PARP15: variants seen among roughly 807,000 people sequenced by gnomAD.
The protein encoded by PARP15 is protein mono-ADP-ribosyltransferase PARP15.
A neutral mutation model predicts 62.1 loss-of-function variants in PARP15; 50 were observed. That is an observed-to-expected ratio of 0.81 (90% confidence interval 0.64 to 1.02). PARP15 has a LOEUF of 1.02. Ranked by LOEUF, PARP15 falls within the 50% of genes least tolerant of loss-of-function variation. The pLI is 0.00. For synonymous variants in PARP15, 309 were observed against 293.1 expected (o/e 1.05, Z -0.55); for missense variants, 820 against 826.5 (o/e 0.99, Z 0.10).
intron 3 of PARP15, 117 bp from the exon 4 acceptor site, chr3:122,612,924 C>G: frequency 1.2e-6 from 1 of 855,408 alleles, no homozygotes; most frequent in Non-Finnish European, 1.8e-6. Flanking sequence ...ACTTCTCAGG[C>G]CCTGACTAAG....
At chr3:122,626,797 A>G (rs1410156137) in intron 8 of PARP15, 30 bp from the exon 9 acceptor site, 10 of 1,593,534 alleles carry the variant, frequency 6.3e-6, no homozygotes, top group African/African-American at 1.4e-5. Flanking sequence ...CATCGGGGGA[A>G]ACTTCTTTGT....
intron 6 of PARP15, among the ~76,000 whole-genome samples, chr3:122,618,668 C>G (rs1217985373): frequency 2.0e-5 from 3 of 152,156 alleles, no homozygotes; most frequent in Non-Finnish European, 4.4e-5. Context: ...GGTTTATTCT[C>G]TAGAGAAACA....
At chr3:122,617,674 C>T (rs902267818) in intron 6 of PARP15, among the ~76,000 whole-genome samples, 15 of 152,156 alleles carry the variant, frequency 9.9e-5, no homozygotes, top group African/African-American at 3.6e-4. Flanking sequence ...GTAACACATT[C>T]GGGCAGGCCC....
At chr3:122,616,096 T>G (rs923971520) in intron 5 of PARP15, among the ~76,000 whole-genome samples, 3 of 152,200 alleles carry the variant, frequency 2.0e-5, no homozygotes, top group Admixed American at 6.5e-5. Context: ...AAATAATAAC[T>G]AAACCGTGCC....
intron 1 of PARP15, among the ~76,000 whole-genome samples, chr3:122,584,821 A>G (rs1045647114): frequency 2.8e-4 from 43 of 151,512 alleles, no homozygotes; most frequent in African/African-American, 1.0e-3. Context: ...CAGGTGATCC[A>G]CCCGCCGTGG....
chr3:122,615,686 C>G, intron 4 of PARP15, 93 bp from the exon 5 acceptor site: 1 of 1,596,092 alleles, frequency 6.3e-7, no homozygotes, highest in Non-Finnish European at 8.5e-7. Context: ...CTATTGTTAT[C>G]AACTCTTTGA....
intron 1 of PARP15, among the ~76,000 whole-genome samples, chr3:122,589,730 A>G (rs1413641176): frequency 6.6e-6 from 1 of 152,128 alleles, no homozygotes; most frequent in Non-Finnish European, 1.5e-5. Flanking sequence ...GGATTTTTTA[A>G]AAATTGTTGA....
chr3:122,629,468 G>C (rs1936930946), intron 9 of PARP15, among the ~76,000 whole-genome samples: 1 of 152,088 alleles, frequency 6.6e-6, no homozygotes, highest in South Asian at 2.1e-4. Flanking sequence ...ACAGGTGAGG[G>C]CATTTATCCT....
rs990241236 is a variant in PARP15, at chr3:122,637,359, T to G, written c.*1259T>G. ...GTGTTAATTAGTGGAAAACTCTTTTTCAAAAGTTGAAATCAGTTCCTCTGT... is the reference window on the plus strand; with the variant it reads ...GTGTTAATTAGTGGAAAACTCTTTTGCAAAAGTTGAAATCAGTTCCTCTGT... On this transcript the variant is annotated 3_prime_UTR_variant, in exon 12 of 12. Coordinates refer to ENST00000464300, the MANE Select transcript of PARP15 (RefSeq NM_001113523.3). 1.3e-5 allele frequency: 2 copies of G among 152,122 alleles called. No individual in the cohort carries two copies. Among genetic ancestry groups the G allele is most frequent in the Non-Finnish European group, 2.9e-5 (2 of 68,020 alleles). The allele number at this position is 152,122 out of a possible 1,614,324, so 9.4% of individuals were successfully genotyped here. A position where few individuals can be genotyped will look rare whatever the true frequency, so the allele number is the denominator to read the frequency against.
At chr3:122,601,825 T>C (rs1934819756) in intron 1 of PARP15, among the ~76,000 whole-genome samples, 1 of 152,064 alleles carries the variant, frequency 6.6e-6, no homozygotes, top group South Asian at 2.1e-4. Context: ...ATGGGAAGAG[T>C]ATGTTTAGTT....
intron 1 of PARP15, among the ~76,000 whole-genome samples, chr3:122,585,854 A>G (rs1243031410): frequency 6.6e-6 from 1 of 152,162 alleles, no homozygotes; most frequent in Admixed American, 6.5e-5. Flanking sequence ...CATTGTGTCA[A>G]TTTATGAACC....
chr3:122,611,374 C>T (rs1411168628), intron 3 of PARP15, among the ~76,000 whole-genome samples: 1 of 152,158 alleles, frequency 6.6e-6, no homozygotes, highest in Non-Finnish European at 1.5e-5. Flanking sequence ...CTCTGTTGCC[C>T]AGGCTGGAGT....
chr3:122,612,958 G>T, intron 3 of PARP15, 83 bp from the exon 4 acceptor site: 1 of 1,231,470 alleles, frequency 8.1e-7, no homozygotes, highest in Non-Finnish European at 1.2e-6. Flanking sequence ...AGAGGTCCTT[G>T]TCAGAGTTGC....
In PARP15 at chr3:122,638,155, T is replaced by C. The variant is rs1447820438; in HGVS notation, c.*2055T>C. The C allele has an allele frequency of 4.6e-5, 7 of 152,144 alleles. No homozygotes were observed. The highest frequency in any genetic ancestry group is 1.7e-4 in the African/African-American group (7 of 41,432). 9.4% of individuals were successfully genotyped at this position (152,144 alleles called of 1,614,324 possible). On this transcript the variant is annotated 3_prime_UTR_variant, in exon 12 of 12. Coordinates refer to ENST00000464300, the MANE Select transcript of PARP15 (RefSeq NM_001113523.3). ...CATCATTTTTTATGGCTGCATAGTA[T>C]TCCATGGTGTATATGTGCCACATTT...
chr3:122,632,617 A>G lies in PARP15; in HGVS notation c.1572+398A>G, dbSNP rs894619488. Among the ~76,000 whole-genome samples, 4 of 152,020 alleles carry G rather than the reference A, an allele frequency of 2.6e-5. No individual in the cohort carries two copies. In the East Asian group the frequency reaches 5.8e-4, roughly 22 times the overall value. On this transcript the variant is annotated intron_variant, in intron 10 of 11. Coordinates refer to ENST00000464300, the MANE Select transcript of PARP15 (RefSeq NM_001113523.3). ...TGTGTCAGCTTTGTTTTAAGGCTGGACTCTCCTTGTGGTTGTTGGATGGCT... is the reference window on the plus strand; with the variant it reads ...TGTGTCAGCTTTGTTTTAAGGCTGGGCTCTCCTTGTGGTTGTTGGATGGCT...
chr3:122,605,182 GTCAA>G (rs1935077258), intron 1 of PARP15, among the ~76,000 whole-genome samples: 1 of 152,138 alleles, frequency 6.6e-6, no homozygotes, highest in Non-Finnish European at 1.5e-5. Context: ...ACCAGCTCCT[GTCAA>G]TCACTGGATG....
At chr3:122,621,909 C>A (rs933342860) in intron 8 of PARP15, among the ~76,000 whole-genome samples, 21 of 152,200 alleles carry the variant, frequency 1.4e-4, no homozygotes, top group African/African-American at 5.1e-4. Flanking sequence ...CGCAATCCTC[C>A]CACTTCAGCC....
Position 122,635,747 on chromosome 3 carries a change from G to A in PARP15, c.1748-64G>A, listed in dbSNP as rs1355121907. ...TTTAGAAAACAATTTTGTCAGATTG[G>A]GCATGGTTCTACACATTGTGTAATT... On this transcript the variant is annotated intron_variant, in intron 11 of 11. Coordinates refer to ENST00000464300, the MANE Select transcript of PARP15 (RefSeq NM_001113523.3). The A allele has an allele frequency of 2.6e-6, 4 of 1,515,696 alleles. No individual in the cohort carries two copies. In the African/African-American group the frequency reaches 5.5e-5, roughly 21 times the overall value. 93.9% of individuals were successfully genotyped at this position (1,515,696 alleles called of 1,614,324 possible).
Position 122,626,853 on chromosome 3 carries a change from G to T in PARP15, c.1258G>T (p.Val420Phe). The change falls in exon 9 of 12, where the codon GTT (valine) becomes TTT (phenylalanine). Residue 420 changes from valine to phenylalanine, a missense_variant. By Grantham distance (50) the Val-to-Phe change is conservative (BLOSUM62 -1). This residue lies in a region of PARP15 where 731 missense variants were observed against 727.7 expected (regional missense o/e 1.00). Coordinates refer to ENST00000464300, the MANE Select transcript of PARP15 (RefSeq NM_001113523.3). ...AAATGCCGGAAAAAACCCTATCACA[G>T]TTGCTGATAACATAATCGATGCTAT... ...TGNAGKNPIT[V>F]ADNIIDAIVD... The T allele has an allele frequency of 6.2e-7, 1 of 1,612,174 alleles. No homozygotes were observed. The highest frequency in any genetic ancestry group is 1.7e-5 in the Admixed American group (1 of 59,650).
Sources: allele counts gnomAD v4.1 joint callset (sites outside exome capture counted in the v4.1 genomes callset), GRCh38; gene constraint gnomAD v4.1.1; regional missense constraint gnomAD v4.1.1; transcripts MANE v1.5; gene names NCBI Gene and HGNC (gene_info 2026-07-23, HGNC 2026-07-21).